The following FILIP1L variants were observed in gnomAD, a reference collection of about 807,000 sequenced individuals.
The protein encoded by FILIP1L is filamin A-interacting protein 1-like.
FILIP1L carries 55 observed loss-of-function variants against 96.6 expected under a neutral mutation model. That is an observed-to-expected ratio of 0.57 (90% CI 0.46 to 0.71). The LOEUF (loss-of-function observed/expected upper bound fraction) is 0.71, where lower values mean the gene tolerates loss of function less well. Ranked by LOEUF, FILIP1L falls within the 30% of genes least tolerant of loss-of-function variation. The pLI is 0.00. For missense variants in FILIP1L, 1,304 were observed against 1,321.2 expected, an observed-to-expected ratio of 0.99 and a Z score of 0.20; for synonymous variants, 467 against 473.9, an observed-to-expected ratio of 0.99 and a Z score of 0.19.
chr3:100,056,873 A>T (rs561230813), intron 1 of FILIP1L, among the ~76,000 whole-genome samples: 1 of 152,106 alleles, frequency 6.6e-6, no homozygotes, highest in Admixed American at 6.5e-5. Flanking sequence ...GTGTGATGGC[A>T]GGCGCCTGTA....
intron 5 of FILIP1L, among the ~76,000 whole-genome samples, chr3:99,835,269 G>A (rs1443807917): frequency 6.6e-6 from 1 of 152,138 alleles, no homozygotes; most frequent in Non-Finnish European, 1.5e-5. Context: ...TCCTCCTTAT[G>A]CTACTTTGTC....
rs536236807 is a variant in FILIP1L at position 99,951,338 on chromosome 3, A to G, written c.-10-20308T>C. 1.3e-4 allele frequency among the ~76,000 whole-genome samples: 20 copies of G among 152,040 alleles called. No homozygotes were observed. The South Asian group carries it at 4.2e-3, about 32-fold the overall frequency. On this transcript the variant is annotated intron_variant, in intron 1 of 5. Transcript: ENST00000477258. ...CTATATTATTATCTAAAGAATTTCAACCTCCCCCACTGAACCCTTAGTCCT... is the reference window on the plus strand; with the variant it reads ...CTATATTATTATCTAAAGAATTTCAGCCTCCCCCACTGAACCCTTAGTCCT...
intron 1 of FILIP1L, among the ~76,000 whole-genome samples, chr3:100,047,331 T>C (rs919926879): frequency 2.6e-5 from 4 of 152,260 alleles, no homozygotes; most frequent in Non-Finnish European, 4.4e-5. Context: ...AGCATATTTA[T>C]TGATGCTATT....
At chr3:99,961,803 A>C (rs890653761) in intron 1 of FILIP1L, among the ~76,000 whole-genome samples, 1 of 152,164 alleles carries the variant, frequency 6.6e-6, no homozygotes, top group Non-Finnish European at 1.5e-5. Flanking sequence ...GATGTCAAAC[A>C]TCTTTAGGTC....
intron 1 of FILIP1L, among the ~76,000 whole-genome samples, chr3:99,960,206 G>A (rs997273355): frequency 3.3e-5 from 5 of 152,098 alleles, no homozygotes; most frequent in Non-Finnish European, 5.9e-5. Flanking sequence ...TCTTGGAAAC[G>A]GCAGTTTCTG....
chr3:100,092,758 G>A (rs1421568639), intron 1 of FILIP1L, among the ~76,000 whole-genome samples: 1 of 150,986 alleles, frequency 6.6e-6, no homozygotes, highest in Non-Finnish European at 1.5e-5. Flanking sequence ...TTGTCCTCAT[G>A]TCTTATCTCC....
chr3:99,846,026 A>G lies in FILIP1L; in HGVS notation c.3381+2269T>C, dbSNP rs1943349247. Among the ~76,000 whole-genome samples the G allele has an allele frequency of 2.6e-5, 4 of 152,240 alleles. No homozygotes were observed. The South Asian group carries it at 8.3e-4, about 32-fold the overall frequency. ...CAAGACTTATGGTGTTAACTTTATT[A>G]TAGAGAATTTCTGTAGCTCACATAA... On this transcript the variant is annotated intron_variant, in intron 5 of 5. Transcript: ENST00000477258.
intron 1 of FILIP1L, among the ~76,000 whole-genome samples, chr3:100,091,071 A>G (rs913267693): frequency 2.5e-4 from 38 of 152,058 alleles, no homozygotes; most frequent in African/African-American, 7.7e-4. Flanking sequence ...GGATCACGAG[A>G]TCAGGAGATC....
chr3:99,951,912 C>T (rs1708187521), intron 1 of FILIP1L, among the ~76,000 whole-genome samples: 2 of 152,312 alleles, frequency 1.3e-5, no homozygotes, highest in South Asian at 2.1e-4. Flanking sequence ...CCATATTTTG[C>T]TGACCCTTGC....
intron 1 of FILIP1L, among the ~76,000 whole-genome samples, chr3:100,066,965 T>A (rs903383690): frequency 1.3e-5 from 2 of 152,220 alleles, no homozygotes; most frequent in African/African-American, 4.8e-5. Context: ...TTGTCTTCTT[T>A]AGAAGACACA....
chr3:100,013,261 T>TTGTTGTTG (rs1559725244), intron 1 of FILIP1L, among the ~76,000 whole-genome samples: 2 of 132,142 alleles, frequency 1.5e-5, no homozygotes, highest in East Asian at 4.7e-4. Context: ...TGTTGTTGTT[T>TTGTTGTTG]GAGATGGAGT....
In FILIP1L at chr3:99,874,913, T is replaced by A. The variant is rs569789611; in HGVS notation, c.606-23843A>T. Among the ~76,000 whole-genome samples the A allele has an allele frequency of 4.6e-5, 7 of 152,344 alleles. No homozygotes were observed. The East Asian group carries it at 1.3e-3, about 29-fold the overall frequency. On this transcript the variant is annotated intron_variant, in intron 4 of 5. Coordinates refer to ENST00000477258, the MANE Select transcript of FILIP1L (RefSeq NM_001387850.1). The stretch of plus-strand genomic sequence containing the variant: ...ACCTCCAAACAGTTATCTTATATGG[T>A]CATTTTAGTGCCAACTAAAATGCCA...
intron 1 of FILIP1L, among the ~76,000 whole-genome samples, chr3:100,084,179 T>A (rs927610842): frequency 1.3e-5 from 2 of 152,198 alleles, no homozygotes; most frequent in African/African-American, 2.4e-5. Context: ...GTGCCCCAGT[T>A]AAGCAAAAGC....
At chr3:100,059,624 G>A (rs1450441198) in intron 1 of FILIP1L, among the ~76,000 whole-genome samples, 2 of 152,176 alleles carry the variant, frequency 1.3e-5, no homozygotes, top group Non-Finnish European at 2.9e-5. Flanking sequence ...GCCAGAAGGC[G>A]GGGGCCAAGT....
intron 1 of FILIP1L, among the ~76,000 whole-genome samples, chr3:100,020,299 G>A (rs754861635): frequency 8.6e-5 from 13 of 151,822 alleles, no homozygotes; most frequent in African/African-American, 9.7e-5. Context: ...CTGTATTCTC[G>A]CATTTAGGAC....
intron 4 of FILIP1L, among the ~76,000 whole-genome samples, chr3:99,899,162 C>G (rs1706356317): frequency 6.6e-6 from 1 of 152,136 alleles, no homozygotes; most frequent in African/African-American, 2.4e-5. Flanking sequence ...TTCTTTTTAT[C>G]TAAAAATATC....
At chr3:99,917,748 T>A (rs1706996576) in intron 4 of FILIP1L, among the ~76,000 whole-genome samples, 1 of 152,198 alleles carries the variant, frequency 6.6e-6, no homozygotes, top group Admixed American at 6.5e-5. Context: ...AGCAGTAGGG[T>A]ATACCGAAAT....
In FILIP1L at chr3:99,938,050, A is replaced by AGTGTGTGTGT. The variant is rs71625545; in HGVS notation, c.-10-7030_-10-7021dup. Among the ~76,000 whole-genome samples, 549 of 148,970 alleles carry AGTGTGTGTGT rather than the reference A, an allele frequency of 3.7e-3. 6 individuals are homozygous for AGTGTGTGTGT. Among genetic ancestry groups the AGTGTGTGTGT allele is most frequent in the African/African-American group, 0.013 (536 of 40,366 alleles). ...ACTGGTGCCTGCAAAAGGCTCAGGA[A>AGTGTGTGTGT]GTGTGTGTGTGTGTGTGTGTGTGTG... is the stretch of plus-strand genomic sequence containing the variant. On this transcript the variant is annotated intron_variant, in intron 1 of 5. Coordinates refer to ENST00000477258, the MANE Select transcript of FILIP1L (RefSeq NM_001387850.1).
chr3:99,957,693 C>CTTTTTTTTTTTTTTTTT (rs779350496), intron 1 of FILIP1L, among the ~76,000 whole-genome samples: 225 of 19,886 alleles, frequency 0.011, 55 homozygotes, highest in Non-Finnish European at 0.015. Flanking sequence ...TTCTTTCTTT[C>CTTTTTTTTTTTTTTTTT]TTTTTTTTTT....
Sources: allele counts gnomAD v4.1 joint callset (sites outside exome capture counted in the v4.1 genomes callset), GRCh38; gene constraint gnomAD v4.1.1; transcripts MANE v1.5; gene names NCBI Gene and HGNC (gene_info 2026-07-23, HGNC 2026-07-21).